GRM5: variants seen among roughly 807,000 people sequenced by gnomAD.
GRM5 encodes glutamate metabotropic receptor 5, also known as metabotropic glutamate receptor 5.
In GRM5, 19 loss-of-function variants were observed where a neutral mutation model predicts 83.1. That is an observed-to-expected ratio of 0.23 (90% CI 0.16 to 0.34). GRM5 has a LOEUF of 0.34. Among genes scored for constraint, GRM5 ranks in the 10% least tolerant of loss-of-function variants. The pLI is 1.00. For synonymous variants in GRM5, 675 were observed against 633.6 expected, an observed-to-expected ratio of 1.07 and a Z score of -0.98; for missense variants, 1,160 against 1,588.3, an observed-to-expected ratio of 0.73 and a Z score of 4.58.
At chr11:88,661,347 C>T (rs560862210) in intron 3 of GRM5, among the ~76,000 whole-genome samples, 2 of 152,210 alleles carry the variant, frequency 1.3e-5, no homozygotes, top group Admixed American at 6.6e-5. Flanking sequence ...TCAAATGTGC[C>T]TTATAAATGA....
chr11:88,615,145 G>A (rs1190002423), intron 4 of GRM5, among the ~76,000 whole-genome samples: 1 of 151,956 alleles, frequency 6.6e-6, no homozygotes, highest in African/African-American at 2.4e-5. Flanking sequence ...TGTTATTATT[G>A]AGCATCTGGG....
At chr11:88,638,852 T>C (rs1156413202) in intron 4 of GRM5, among the ~76,000 whole-genome samples, 1 of 152,074 alleles carries the variant, frequency 6.6e-6, no homozygotes, top group Non-Finnish European at 1.5e-5. Context: ...ATTTGTATTG[T>C]TTCTCTTTTC....
At chr11:89,021,822 T>C (rs1265371857) in intron 2 of GRM5, among the ~76,000 whole-genome samples, 1 of 152,206 alleles carries the variant, frequency 6.6e-6, no homozygotes, top group African/African-American at 2.4e-5. Context: ...ACTCACTCTT[T>C]AAGTCATTCA....
At chr11:88,829,362 G>A (rs775033990) in intron 3 of GRM5, among the ~76,000 whole-genome samples, 3 of 152,154 alleles carry the variant, frequency 2.0e-5, no homozygotes, top group African/African-American at 7.2e-5. Context: ...TAGGGAGGCT[G>A]AGGCGAGAGA....
At chr11:88,654,390 C>T (rs1324172146) in intron 3 of GRM5, among the ~76,000 whole-genome samples, 1 of 151,992 alleles carries the variant, frequency 6.6e-6, no homozygotes, top group East Asian at 1.9e-4. Flanking sequence ...GTGACTTGTC[C>T]CTCTTCACTG....
At chr11:89,059,884 T>G (rs1282469752) in intron 1 of GRM5, among the ~76,000 whole-genome samples, 1 of 152,174 alleles carries the variant, frequency 6.6e-6, no homozygotes, top group Non-Finnish European at 1.5e-5. Flanking sequence ...TATTGCTTTT[T>G]TTCTAACTTG....
chr11:88,774,025 C>T (rs1942794457), intron 3 of GRM5, among the ~76,000 whole-genome samples: 1 of 152,168 alleles, frequency 6.6e-6, no homozygotes, highest in African/African-American at 2.4e-5. Flanking sequence ...GGCATTGAAT[C>T]TATAAATTAC....
intron 2 of GRM5, among the ~76,000 whole-genome samples, chr11:88,922,022 A>G (rs1287726326): frequency 6.6e-6 from 1 of 152,126 alleles, no homozygotes; most frequent in Non-Finnish European, 1.5e-5. Context: ...ATCCCAAGGA[A>G]AAAACCAAAA....
chr11:88,731,238 C>T (rs910904837), intron 3 of GRM5, among the ~76,000 whole-genome samples: 1 of 152,032 alleles, frequency 6.6e-6, no homozygotes, highest in Non-Finnish European at 1.5e-5. Flanking sequence ...TAATTCACCA[C>T]TTCTACTTAT....
intron 2 of GRM5, among the ~76,000 whole-genome samples, chr11:88,993,695 T>C (rs1160757812): frequency 6.6e-6 from 1 of 152,146 alleles, no homozygotes; most frequent in Non-Finnish European, 1.5e-5. Context: ...TCAGTAAATT[T>C]TTTTTCTGGT....
At chr11:88,562,621 C>T (rs1255979816) in intron 8 of GRM5, among the ~76,000 whole-genome samples, 7 of 152,150 alleles carry the variant, frequency 4.6e-5, no homozygotes, top group Non-Finnish European at 8.8e-5. Flanking sequence ...TTGTGCTCCA[C>T]TTCTTCTTAC....
At chr11:88,652,330 A>G (rs886999276) in intron 4 of GRM5, among the ~76,000 whole-genome samples, 24 of 152,048 alleles carry the variant, frequency 1.6e-4, no homozygotes, top group Non-Finnish European at 2.8e-4. Flanking sequence ...TAACCTTTGC[A>G]GGCACAGATA....
rs549805749 is a variant in GRM5, at chr11:89,035,402, C to T, written c.661+11810G>A. Among the ~76,000 whole-genome samples the T allele has an allele frequency of 1.4e-3, 211 of 151,888 alleles. 2 individuals carry two copies. Among genetic ancestry groups the T allele is most frequent in the South Asian group, 4.8e-3 (23 of 4,818 alleles). The stretch of plus-strand genomic sequence containing the variant: ...TTCATTAACAAAAATGGCACTCTAA[C>T]TTTATTAGGGAAAGTCAAGGATTGA... On this transcript the variant is annotated intron_variant, in intron 2 of 9. Transcript: ENST00000305447.
chr11:88,831,946 C>T (rs768087553), intron 3 of GRM5, among the ~76,000 whole-genome samples: 1 of 152,186 alleles, frequency 6.6e-6, no homozygotes, highest in Non-Finnish European at 1.5e-5. Context: ...GAATGCTGTG[C>T]TTGGTGAGAC....
chr11:88,890,637 G>A (rs541309711), intron 2 of GRM5, among the ~76,000 whole-genome samples: 31 of 152,212 alleles, frequency 2.0e-4, no homozygotes, highest in African/African-American at 2.6e-4. Flanking sequence ...GGTCTAAATC[G>A]TAAAACAGAT....
intron 2 of GRM5, among the ~76,000 whole-genome samples, chr11:88,926,058 A>G (rs542650277): frequency 6.6e-6 from 1 of 152,276 alleles, no homozygotes; most frequent in Admixed American, 6.5e-5. Flanking sequence ...TGTAAATACA[A>G]ATGTCCAGCC....
At chr11:88,646,209 A>G (rs10831226) in intron 4 of GRM5, among the ~76,000 whole-genome samples, 104,411 of 151,990 alleles carry the variant, frequency 0.69, 41,695 homozygotes, top group Non-Finnish European at 0.9. Context: ...ATAGAATAGC[A>G]TAGTTATTAG....
intron 3 of GRM5, among the ~76,000 whole-genome samples, chr11:88,731,139 C>T (rs1428080295): frequency 1.3e-5 from 2 of 152,004 alleles, no homozygotes; most frequent in Non-Finnish European, 2.9e-5. Flanking sequence ...TTTAATGGCT[C>T]CAGAAAGCTG....
At chr11:88,808,095 G>A (rs1156454178) in intron 3 of GRM5, among the ~76,000 whole-genome samples, 1 of 151,942 alleles carries the variant, frequency 6.6e-6, no homozygotes, top group Non-Finnish European at 1.5e-5. Flanking sequence ...AATTGTGTAT[G>A]TGATGGTATA....
Sources: gnomAD v4.1 joint callset for allele counts (sites outside exome capture counted in the v4.1 genomes callset) on GRCh38, gnomAD v4.1.1 for gene constraint, MANE v1.5 for transcripts, NCBI Gene and HGNC (gene_info 2026-07-23, HGNC 2026-07-21) for gene names.